Variants in SUGP1 observed in about 807,000 individuals in gnomAD.
SUGP1 encodes SURP and G-patch domain-containing protein 1.
In SUGP1, 34 loss-of-function variants were observed where a neutral mutation model predicts 76.5. That is an observed-to-expected ratio of 0.44 (90% CI 0.34 to 0.59). SUGP1 has a LOEUF of 0.59. SUGP1 is among the 20% of genes least tolerant of loss of function. The probability of loss-of-function intolerance (pLI) is 0.01; values close to 1 mark genes in which losing one functional copy is unlikely to be tolerated. For missense variants in SUGP1, 752 were observed against 851.7 expected, an observed-to-expected ratio of 0.88 and a Z score of 1.46; for synonymous variants, 326 against 326.2, an observed-to-expected ratio of 1.00 and a Z score of 0.01.
chr19:19,298,309 C>G (rs1309290007), intron 7 of SUGP1, among the ~76,000 whole-genome samples: 3 of 152,112 alleles, frequency 2.0e-5, no homozygotes, highest in African/African-American at 7.2e-5. Flanking sequence ...ACCAGCCTGG[C>G]CGACATGGTG....
At chr19:19,286,451 G>C (rs1471536657) in intron 8 of SUGP1, among the ~76,000 whole-genome samples, 1 of 152,204 alleles carries the variant, frequency 6.6e-6, no homozygotes, top group Non-Finnish European at 1.5e-5. Flanking sequence ...ATTCCTGCTA[G>C]AGAAAACTGT....
chr19:19,277,430 T>C (rs1169381814), intron 12 of SUGP1, among the ~76,000 whole-genome samples: 1 of 152,104 alleles, frequency 6.6e-6, no homozygotes, highest in Non-Finnish European at 1.5e-5. Flanking sequence ...TTCGCACTCA[T>C]GGGGAATTCA....
intron 8 of SUGP1, among the ~76,000 whole-genome samples, chr19:19,287,232 A>G (rs1157315224): frequency 6.6e-6 from 1 of 151,088 alleles, no homozygotes; most frequent in Non-Finnish European, 1.5e-5. Flanking sequence ...GATCGTGCCA[A>G]TTCACTCCAG....
intron 12 of SUGP1, 85 bp from the exon 13 acceptor site, chr19:19,277,161 C>T: frequency 6.7e-7 from 1 of 1,487,460 alleles, no homozygotes; most frequent in South Asian, 1.2e-5. Context: ...TCAACAGCAC[C>T]TCCCGCGGGT....
intron 8 of SUGP1, among the ~76,000 whole-genome samples, chr19:19,286,648 T>C (rs1292745490): frequency 6.6e-6 from 1 of 152,170 alleles, no homozygotes; most frequent in Non-Finnish European, 1.5e-5. Context: ...CTTGGGAGGC[T>C]GAGGCGGGGA....
chr19:19,306,152 T>C, intron 3 of SUGP1, 76 bp from the exon 4 acceptor site: 1 of 1,372,522 alleles, frequency 7.3e-7, no homozygotes, highest in African/African-American at 1.5e-5. Flanking sequence ...ACCTAGGTGC[T>C]GTGGGCCCCG....
intron 2 of SUGP1, among the ~76,000 whole-genome samples, chr19:19,315,331 G>GA (rs1042479888): frequency 1.5e-3 from 214 of 141,452 alleles, no homozygotes; most frequent in African/African-American, 4.6e-3. Flanking sequence ...CTGTCTCAAA[G>GA]AAAAAAAAAA....
Position 19,302,266 on chromosome 19 carries a change from T to G in SUGP1, c.886A>C (p.Ser296Arg). ...CCTCCCTGGCAGGGCCCCCCTTACC[T>G]GAATGCCTGGTTCTCACGGTTGTTC... ...LQNNRENQAF[S>R]FLYEPNSQGY... Residue 296 changes from serine (S) to arginine (R), a missense_variant and splice_region_variant, in exon 7 of 14, where the codon AGC becomes CGC. Physicochemically the swap from Ser to Arg is moderately radical, Grantham distance 110. This residue lies in a region of SUGP1 where 620 missense variants were observed against 617.3 expected (regional missense o/e 1.00). Coordinates refer to ENST00000247001, the MANE Select transcript of SUGP1 (RefSeq NM_172231.4). 6.2e-7 allele frequency: 1 copy of G among 1,614,086 alleles called. No homozygotes were observed. Among genetic ancestry groups the G allele is most frequent in the Non-Finnish European group, 8.5e-7 (1 of 1,179,966 alleles).
At chr19:19,289,119 C>T (rs567218142) in intron 8 of SUGP1, among the ~76,000 whole-genome samples, 70 of 152,058 alleles carry the variant, frequency 4.6e-4, no homozygotes, top group African/African-American at 1.7e-3. Context: ...GGCTTGGTGT[C>T]CCAACCCCCA....
chr19:19,317,538 G>A (rs983238531), intron 1 of SUGP1, among the ~76,000 whole-genome samples: 6 of 152,066 alleles, frequency 3.9e-5, no homozygotes, highest in African/African-American at 1.2e-4. Context: ...CTTTTTTTGA[G>A]ACAGGGTCTG....
Position 19,278,593 on chromosome 19 carries a change from A to C in SUGP1, c.1635+97T>G. On this transcript the variant is annotated intron_variant, in intron 11 of 13. Coordinates refer to ENST00000247001, the MANE Select transcript of SUGP1 (RefSeq NM_172231.4). ...AGGCCTGGCTCCTGCTGTGATCGAG[A>C]GGGTAGCCAGGCTACTTTGGGCACC... is the stretch of plus-strand genomic sequence containing the variant. 4.8e-6 allele frequency: 5 copies of C among 1,042,912 alleles called. No individual in the cohort carries two copies. The South Asian group carries it at 7.0e-5, about 15-fold the overall frequency. 64.6% of individuals were successfully genotyped at this position (1,042,912 alleles called of 1,614,324 possible). A position where few individuals can be genotyped will look rare whatever the true frequency, so the allele number is the denominator to read the frequency against.
chr19:19,301,465 C>T (rs1006700111), intron 7 of SUGP1, among the ~76,000 whole-genome samples: 5 of 152,220 alleles, frequency 3.3e-5, no homozygotes, highest in Non-Finnish European at 7.3e-5. Context: ...CCAGTGACCA[C>T]AGAAGCACAG....
chr19:19,320,386 A>C, intron 1 of SUGP1, 77 bp downstream of exon 1: 2 of 1,501,530 alleles, frequency 1.3e-6, no homozygotes, highest in South Asian at 1.2e-5. Flanking sequence ...TCGCAGCAGG[A>C]CGGACCCGAG....
At chr19:19,301,353 C>T (rs1354583602) in intron 7 of SUGP1, among the ~76,000 whole-genome samples, 1 of 152,144 alleles carries the variant, frequency 6.6e-6, no homozygotes, top group Non-Finnish European at 1.5e-5. Context: ...CTCCCTGTTC[C>T]CAGCCCCCAT....
intron 8 of SUGP1, chr19:19,281,324 T>C (rs1487075314): frequency 6.6e-6 from 1 of 152,194 alleles, no homozygotes; most frequent in Non-Finnish European, 1.5e-5. Context: ...CTGCTGGGTG[T>C]CTCAGAGCTG....
intron 3 of SUGP1, among the ~76,000 whole-genome samples, chr19:19,307,162 C>A (rs982238862): frequency 6.6e-6 from 1 of 152,092 alleles, no homozygotes; most frequent in Non-Finnish European, 1.5e-5. Context: ...AGCAATCCTC[C>A]CAGCTCAGCC....
Position 19,278,728 on chromosome 19 carries a change from C to G in SUGP1, c.1597G>C (p.Glu533Gln). 6.2e-7 allele frequency: 1 copy of G among 1,613,938 alleles called. No individual in the cohort carries two copies. Among genetic ancestry groups the G allele is most frequent in the Non-Finnish European group, 8.5e-7 (1 of 1,179,962 alleles). Residue 533 changes from glutamate to glutamine, a missense_variant, in exon 11 of 14, where the codon GAG becomes CAG. Transcript: ENST00000247001. Reference sequence around the variant, plus strand: ...AAGGTCTCCATAAACTTTTCCAGCTCGTCTGGAGGCAGGAAGTCTCCGATG... The same window carrying G: ...AAGGTCTCCATAAACTTTTCCAGCTGGTCTGGAGGCAGGAAGTCTCCGATG... ...HFIGDFLPPD[E>Q]LEKFMETFKA...
rs998209691 is a variant in SUGP1, at chr19:19,290,418, T to G, written c.1243+6571A>C. 7.2e-5 allele frequency among the ~76,000 whole-genome samples: 11 copies of G among 152,164 alleles called. No homozygotes were observed. In the South Asian group the frequency reaches 2.3e-3, roughly 32 times the overall value. On this transcript the variant is annotated intron_variant, in intron 8 of 13. Transcript: ENST00000247001. ...CCAGCACTTGGGAGGCGGAAGCAAG[T>G]GGATCATCTGAGGCCAGGAGTGCGA... is the stretch of plus-strand genomic sequence containing the variant.
In SUGP1 at chr19:19,302,354, A is replaced by C; in HGVS notation, c.798T>G (p.Leu266=). The C allele has an allele frequency of 1.2e-6, 2 of 1,614,146 alleles. No individual in the cohort carries two copies. The highest frequency in any genetic ancestry group is 1.7e-6 in the Non-Finnish European group (2 of 1,180,020). Residue 266 remains leucine, a synonymous_variant, in exon 7 of 14, where the codon CTT becomes CTG. Transcript: ENST00000247001. ...SPPEDEEVKN[L]AEKLARFIAD... ...CTATGAACCTGGCCAACTTTTCTGCAAGGTTCTTGACCTCTTCGTCCTCTG... is the reference window on the plus strand; with the variant it reads ...CTATGAACCTGGCCAACTTTTCTGCCAGGTTCTTGACCTCTTCGTCCTCTG...
Sources: gnomAD v4.1 joint callset for allele counts (sites outside exome capture counted in the v4.1 genomes callset) on GRCh38, gnomAD v4.1.1 for gene constraint, gnomAD v4.1.1 regional missense constraint, MANE v1.5 for transcripts, NCBI Gene and HGNC (gene_info 2026-07-23, HGNC 2026-07-21) for gene names.